Variants in KIF17 observed in about 807,000 individuals in gnomAD.
KIF17 encodes the protein kinesin family member 17.
In KIF17, 80 loss-of-function variants were observed where a neutral mutation model predicts 96.8. That is an observed-to-expected ratio of 0.83 (90% CI 0.69 to 1.00). KIF17 has a LOEUF of 1.00. Ranked by LOEUF, KIF17 falls within the 50% of genes least tolerant of loss-of-function variation. The probability of loss-of-function intolerance (pLI) is 0.00; values close to 1 mark genes in which losing one functional copy is unlikely to be tolerated. For missense variants in KIF17, 1,280 were observed against 1,372.9 expected (o/e 0.93, Z 1.07); for synonymous variants, 567 against 587.5 (o/e 0.97, Z 0.51).
chr1:20,682,719 G>C lies in KIF17; in HGVS notation c.2397C>G (p.Asn799Lys). The stretch of plus-strand genomic sequence containing the variant: ...CTTCCTCCTGGATGGAGTCGTAGAC[G>C]TTAAGCAGCACCCAGTCCCCGCTGT... ...DEDSGDWVLL[N>K]VYDSIQEEVR... Residue 799 changes from asparagine to lysine, a missense_variant, in exon 11 of 15, where the codon AAC becomes AAG. By Grantham distance (94) the Asn-to-Lys change is moderately conservative. Transcript: ENST00000400463. 1 of 1,613,786 alleles carries C rather than the reference G, an allele frequency of 6.2e-7. No individual in the cohort carries two copies.
downstream of KIF17, among the ~76,000 whole-genome samples, chr1:20,663,072 A>C (rs1181687467): frequency 4.6e-5 from 7 of 152,038 alleles, no homozygotes; most frequent in Non-Finnish European, 1.0e-4. Context: ...TAATACAAAA[A>C]ATTTAGCCGG....
chr1:20,684,346 G>A (rs1375663854), intron 10 of KIF17, among the ~76,000 whole-genome samples: 2 of 152,226 alleles, frequency 1.3e-5, no homozygotes, highest in Admixed American at 1.3e-4. Context: ...TGGAGGTCGG[G>A]CTGACATCAT....
chr1:20,687,290 G>T lies in KIF17; in HGVS notation c.1938+98C>A. Reference sequence around the variant, plus strand: ...GTGGAGCCACGGCCTGAGTGTCGGAGGCCATGTGTGTGAACAGTGTGTGCA... The same window carrying T: ...GTGGAGCCACGGCCTGAGTGTCGGATGCCATGTGTGTGAACAGTGTGTGCA... On this transcript the variant is annotated intron_variant, in intron 8 of 14. Transcript: ENST00000400463. The surrounding 1 kb of genome is among the most constrained non-coding windows in gnomAD (Gnocchi z 4.4). 1 of 1,347,210 alleles carries T rather than the reference G, an allele frequency of 7.4e-7. No homozygotes were observed. The highest frequency in any genetic ancestry group is 1.1e-6 in the Non-Finnish European group (1 of 942,716). 83.5% of individuals were successfully genotyped at this position (1,347,210 alleles called of 1,614,324 possible).
At chr1:20,697,442 C>CAA (rs35171557) in intron 6 of KIF17, among the ~76,000 whole-genome samples, 4 of 151,404 alleles carry the variant, frequency 2.6e-5, no homozygotes, top group South Asian at 2.1e-4. Context: ...CCTATCTCTA[C>CAA]AAAAAAATTT....
At chr1:20,708,787 G>C (rs1336752766) in intron 4 of KIF17, among the ~76,000 whole-genome samples, 1 of 152,192 alleles carries the variant, frequency 6.6e-6, no homozygotes, top group African/African-American at 2.4e-5. Context: ...TAAAGGGTTT[G>C]GCACTGCAGA....
rs894256918 is a variant in KIF17 at position 20,685,419 on chromosome 1, C to T, written c.2020-399G>A. ...CGGCCTCCCCCGCCACCGTGGCCTC[C>T]TTTTCCATTGCTAAGAAAGTCAAGG... On this transcript the variant is annotated intron_variant, in intron 9 of 14. Coordinates refer to ENST00000400463, the MANE Select transcript of KIF17 (RefSeq NM_001122819.3). The surrounding 1 kb of genome is among the most constrained non-coding windows in gnomAD (Gnocchi z 4.1). 15 of 392,374 alleles carry T rather than the reference C, an allele frequency of 3.8e-5. No homozygotes were observed. Among genetic ancestry groups the T allele is most frequent in the South Asian group, 3.0e-4 (15 of 49,380 alleles). The allele number at this position is 392,374 out of a possible 1,614,324, so 24.3% of individuals were successfully genotyped here. A position where few individuals can be genotyped will look rare whatever the true frequency, so the allele number is the denominator to read the frequency against.
chr1:20,711,722 T>C (rs1223189147), intron 3 of KIF17, among the ~76,000 whole-genome samples: 1 of 152,160 alleles, frequency 6.6e-6, no homozygotes, highest in East Asian at 1.9e-4. Flanking sequence ...AACCTCTTGC[T>C]GGCCTTAGGT....
intron 4 of KIF17, among the ~76,000 whole-genome samples, chr1:20,705,200 T>C (rs2054320601): frequency 6.6e-6 from 1 of 152,178 alleles, no homozygotes; most frequent in South Asian, 2.1e-4. Context: ...CTGAGTGCAA[T>C]AGGGCCTCTG....
intron 10 of KIF17, among the ~76,000 whole-genome samples, chr1:20,683,591 G>A (rs868299368): frequency 2.2e-4 from 33 of 152,040 alleles, no homozygotes; most frequent in African/African-American, 6.5e-4. Flanking sequence ...GGAGGCAGAG[G>A]TTGCAGTGAG....
At position 20,672,656 on chromosome 1, in the gene KIF17, T is replaced by C. The variant is rs1191641582; in HGVS notation, c.2464-460A>G. Reference sequence around the variant, plus strand: ...GGACAACAGGCACAAACTCTCCGACTTGACAATCCTCACTCTCCCACTGCC... The same window carrying C: ...GGACAACAGGCACAAACTCTCCGACCTGACAATCCTCACTCTCCCACTGCC... On this transcript the variant is annotated intron_variant, in intron 11 of 14. Transcript: ENST00000400463. The surrounding 1 kb of genome is among the most constrained non-coding windows in gnomAD (Gnocchi z 4.3). 6.6e-6 allele frequency among the ~76,000 whole-genome samples: 1 copy of C among 152,180 alleles called. No individual in the cohort carries two copies. The highest frequency in any genetic ancestry group is 2.4e-5 in the African/African-American group (1 of 41,446).
Position 20,687,527 on chromosome 1 carries a change from T to A in KIF17, c.1799A>T (p.Glu600Val). ...LGEQNYLPQE[E>V]PQEVPLQGLL... Reference sequence around the variant, plus strand: ...CCCCTGCAGGGGCACCTCCTGCGGCTCCTCTTGCGGGAGGTAGTTCTGTTC... The same window carrying A: ...CCCCTGCAGGGGCACCTCCTGCGGCACCTCTTGCGGGAGGTAGTTCTGTTC... The change falls in exon 8 of 15, where the codon GAG becomes GTG. Residue 600 changes from glutamate (E) to valine (V), a missense_variant. Physicochemically the swap from Glu to Val is moderately radical, Grantham distance 121. Transcript: ENST00000400463. The surrounding 1 kb of genome is among the most constrained non-coding windows in gnomAD (Gnocchi z 4.4). The A allele has an allele frequency of 6.2e-7, 1 of 1,613,276 alleles. No homozygotes were observed. The highest frequency in any genetic ancestry group is 8.5e-7 in the Non-Finnish European group (1 of 1,179,430).
intron 14 of KIF17, among the ~76,000 whole-genome samples, chr1:20,665,376 C>A (rs1279651950): frequency 6.8e-6 from 1 of 147,998 alleles, no homozygotes; most frequent in Non-Finnish European, 1.5e-5. Flanking sequence ...TACAGGCATG[C>A]ATCACCATAC....
At chr1:20,713,691 C>A (rs2054523929) in intron 2 of KIF17, 136 bp from the exon 3 acceptor site, 3 of 714,030 alleles carry the variant, frequency 4.2e-6, no homozygotes, top group Non-Finnish European at 7.5e-6. Context: ...AGAGGAGTCT[C>A]CAACCCAACC....
At chr1:20,708,276 G>A (rs1229510613) in intron 4 of KIF17, among the ~76,000 whole-genome samples, 2 of 152,166 alleles carry the variant, frequency 1.3e-5, no homozygotes, top group Non-Finnish European at 2.9e-5. Flanking sequence ...TTGGCCCAAG[G>A]CCAGGTCACC....
intron 13 of KIF17, 82 bp from the exon 14 acceptor site, chr1:20,666,413 G>A: frequency 8.8e-7 from 1 of 1,137,026 alleles, no homozygotes; most frequent in South Asian, 1.2e-5. Flanking sequence ...GTATCCTGGG[G>A]CAGTGGGGGC....
chr1:20,690,064 A>G (rs1281619208), intron 7 of KIF17, 124 bp downstream of exon 7: 8 of 1,023,210 alleles, frequency 7.8e-6, no homozygotes, highest in Middle Eastern at 5.7e-4. Context: ...TTACTGGACC[A>G]TTGTGAGGAT....
chr1:20,707,451 G>T (rs1456463600), intron 4 of KIF17, among the ~76,000 whole-genome samples: 1 of 129,850 alleles, frequency 7.7e-6, no homozygotes, highest in Non-Finnish European at 1.7e-5. Flanking sequence ...TTTCAGTTAT[G>T]TTTAAAACAT....
Position 20,671,934 on chromosome 1 carries a change from T to G in KIF17, c.2722+4A>C. 11 of 1,612,972 alleles carry G rather than the reference T, an allele frequency of 6.8e-6. No individual in the cohort carries two copies. Among genetic ancestry groups the G allele is most frequent in the Non-Finnish European group, 9.3e-6 (11 of 1,179,900 alleles). ...GGAGGGCAAGGGCCAGCCAAGCTCC[T>G]GACCTACTGGGAGGCTGGTTTTTGT... On this transcript the variant is annotated splice_donor_region_variant and intron_variant, in intron 12 of 14. Transcript: ENST00000400463.
chr1:20,669,936 C>A (rs1173239719), intron 13 of KIF17, among the ~76,000 whole-genome samples: 2 of 116,046 alleles, frequency 1.7e-5, no homozygotes, highest in Non-Finnish European at 1.7e-5. Context: ...TAAGAACATG[C>A]ATTTCTGTTG....
Sources: gnomAD v4.1 joint callset for allele counts (sites outside exome capture counted in the v4.1 genomes callset) on GRCh38, gnomAD v4.1.1 for gene constraint, Gnocchi (gnomAD v3.1) non-coding constraint, MANE v1.5 for transcripts, NCBI Gene and HGNC (gene_info 2026-07-23, HGNC 2026-07-21) for gene names.